ST3GAL6: variants seen among roughly 807,000 people sequenced by gnomAD.
ST3GAL6 encodes type 2 lactosamine alpha-2,3-sialyltransferase.
Under a neutral mutation model 40.5 loss-of-function variants are expected in ST3GAL6, and 31 were observed. That is an observed-to-expected ratio of 0.77 (90% CI 0.58 to 1.03). ST3GAL6 has a LOEUF of 1.03. Ranked by LOEUF, ST3GAL6 falls within the 50% of genes least tolerant of loss-of-function variation. The pLI, the probability that ST3GAL6 is intolerant of heterozygous loss-of-function variation, is 0.00. For synonymous variants in ST3GAL6, 129 were observed against 136.9 expected, an observed-to-expected ratio of 0.94 and a Z score of 0.40; for missense variants, 357 against 393.2, an observed-to-expected ratio of 0.91 and a Z score of 0.78.
rs1324153140 is a variant in ST3GAL6 at position 98,793,651 on chromosome 3, GGTAATT to G, written c.910-20_910-15del. Reference sequence around the variant, plus strand: ...TACTTTGAGATTGGGAAAGAATGATGGTAATTGTATTTTTCTTCTTTAGAACGCGTA... The same window carrying G: ...TACTTTGAGATTGGGAAAGAATGATGGTATTTTTCTTCTTTAGAACGCGTA... On this transcript the variant is annotated intron_variant, in intron 9 of 9. Transcript: ENST00000483910. 2 of 1,479,672 alleles carry G rather than the reference GGTAATT, an allele frequency of 1.4e-6. No homozygotes were observed. Among genetic ancestry groups the G allele is most frequent in the Admixed American group, 4.0e-5 (2 of 50,066 alleles). The allele number at this position is 1,479,672 out of a possible 1,614,324, so 91.7% of individuals were successfully genotyped here.
chr3:98,792,021 C>G (rs535787574), intron 9 of ST3GAL6, 28 bp downstream of exon 9: 1 of 1,559,134 alleles, frequency 6.4e-7, no homozygotes. Context: ...AGGTAATATA[C>G]ATATGCTTTG....
At chr3:98,777,923 C>T (rs1214572532) in intron 5 of ST3GAL6, among the ~76,000 whole-genome samples, 1 of 152,186 alleles carries the variant, frequency 6.6e-6, no homozygotes, top group Non-Finnish European at 1.5e-5. Flanking sequence ...TCCTTCCTGG[C>T]TGTCCATGTA....
intron 1 of ST3GAL6, among the ~76,000 whole-genome samples, chr3:98,740,341 A>G (rs1359852925): frequency 6.7e-6 from 1 of 150,266 alleles, no homozygotes; most frequent in African/African-American, 2.5e-5. Flanking sequence ...TATGACCATC[A>G]ATGATTTTCA....
At chr3:98,733,729 G>T in intron 1 of ST3GAL6, 10 of 552,750 alleles carry the variant, frequency 1.8e-5, no homozygotes, top group Non-Finnish European at 1.8e-5. Context: ...TGGCTTAAAA[G>T]AAAACCTATA....
At chr3:98,737,542 C>T (rs957268467) in intron 1 of ST3GAL6, among the ~76,000 whole-genome samples, 2 of 152,152 alleles carry the variant, frequency 1.3e-5, no homozygotes, top group Non-Finnish European at 2.9e-5. Context: ...TCCTTTTATC[C>T]TCTTGTCCTT....
chr3:98,744,842 C>A (rs1057470258), intron 1 of ST3GAL6, among the ~76,000 whole-genome samples: 2 of 152,034 alleles, frequency 1.3e-5, no homozygotes, highest in African/African-American at 4.8e-5. Context: ...CTTCATTATG[C>A]TGAACTTTGG....
At chr3:98,752,109 A>G (rs1424742047) in intron 1 of ST3GAL6, among the ~76,000 whole-genome samples, 1 of 152,216 alleles carries the variant, frequency 6.6e-6, no homozygotes, top group Non-Finnish European at 1.5e-5. Flanking sequence ...TTAAATTGAC[A>G]TAAGTTAGAT....
At chr3:98,737,330 C>T (rs565395382) in intron 1 of ST3GAL6, among the ~76,000 whole-genome samples, 12 of 152,182 alleles carry the variant, frequency 7.9e-5, no homozygotes, top group Non-Finnish European at 1.6e-4. Context: ...GGATTACAGG[C>T]GTGAGCCACC....
At chr3:98,747,586 C>T in intron 1 of ST3GAL6, among the ~76,000 whole-genome samples, 1 of 152,152 alleles carries the variant, frequency 6.6e-6, no homozygotes, top group East Asian at 1.9e-4. Context: ...AATCAAGTCT[C>T]TGAAAACAAC....
chr3:98,751,192 G>A (rs1404527154), intron 1 of ST3GAL6, among the ~76,000 whole-genome samples: 1 of 152,070 alleles, frequency 6.6e-6, no homozygotes, highest in Non-Finnish European at 1.5e-5. Context: ...ACAGGTGTGA[G>A]CCACTGCGCT....
intron 1 of ST3GAL6, chr3:98,733,053 G>T (rs898303758): frequency 4.9e-6 from 7 of 1,414,846 alleles, no homozygotes; most frequent in Non-Finnish European, 6.4e-6. Context: ...TCTGGGCCGG[G>T]GTCCGGGCGG....
At chr3:98,742,800 C>T (rs28553326) in intron 1 of ST3GAL6, among the ~76,000 whole-genome samples, 44,989 of 150,662 alleles carry the variant, frequency 0.3, 7,039 homozygotes, top group South Asian at 0.41. Flanking sequence ...CTGGGTTAAG[C>T]GATTCTCCTG....
chr3:98,769,666 A>G (rs780889042), intron 2 of ST3GAL6, among the ~76,000 whole-genome samples: 1 of 152,356 alleles, frequency 6.6e-6, no homozygotes, highest in Non-Finnish European at 1.5e-5. Context: ...CAGCTAACAC[A>G]TTACTATAGT....
At chr3:98,759,705 C>T (rs1937598027), upstream of ST3GAL6, among the ~76,000 whole-genome samples, 1 of 152,028 alleles carries the variant, frequency 6.6e-6, no homozygotes, top group Non-Finnish European at 1.5e-5. Context: ...TGCGGTCTTC[C>T]CAGCTCTAAG....
At position 98,772,800 on chromosome 3, in the gene ST3GAL6, C is replaced by T. The variant is rs1321996059; in HGVS notation, c.168-13C>T. 1 of 1,599,152 alleles carries T rather than the reference C, an allele frequency of 6.3e-7. No homozygotes were observed. The highest frequency in any genetic ancestry group is 8.6e-7 in the Non-Finnish European group (1 of 1,167,490). On this transcript the variant is annotated splice_polypyrimidine_tract_variant and intron_variant, in intron 3 of 9. Coordinates refer to ENST00000483910, the MANE Select transcript of ST3GAL6 (RefSeq NM_001323368.2). ...GGTATTTGGCAAAATCATTCTTTATCCTTTCCTTCCAGGTTTCATCAGTTT... is the reference window on the plus strand; with the variant it reads ...GGTATTTGGCAAAATCATTCTTTATTCTTTCCTTCCAGGTTTCATCAGTTT...
chr3:98,779,999 A>G (rs1939932831), intron 5 of ST3GAL6, among the ~76,000 whole-genome samples: 1 of 152,180 alleles, frequency 6.6e-6, no homozygotes, highest in South Asian at 2.1e-4. Context: ...TTCTACATGA[A>G]AGTTATGTTA....
intron 1 of ST3GAL6, among the ~76,000 whole-genome samples, chr3:98,755,809 C>CA (rs113209928): frequency 0.46 from 69,813 of 150,476 alleles, 16,189 homozygotes; most frequent in South Asian, 0.56. Flanking sequence ...AGATTTTTTT[C>CA]ATTTTTTTTT....
At chr3:98,774,030 G>A (rs773081738) in intron 5 of ST3GAL6, 47 bp downstream of exon 5, 3 of 1,466,266 alleles carry the variant, frequency 2.0e-6, no homozygotes, top group Non-Finnish European at 2.9e-6. Flanking sequence ...CTTCAGCTAA[G>A]CTGGTTCAAA....
chr3:98,754,802 G>A (rs1007897795), intron 1 of ST3GAL6, among the ~76,000 whole-genome samples: 1 of 152,218 alleles, frequency 6.6e-6, no homozygotes, highest in Non-Finnish European at 1.5e-5. Flanking sequence ...TTATAACTCA[G>A]TGAAGGCTCA....
Sources: gnomAD v4.1 joint callset for allele counts (sites outside exome capture counted in the v4.1 genomes callset) on GRCh38, gnomAD v4.1.1 for gene constraint, MANE v1.5 for transcripts, NCBI Gene and HGNC (gene_info 2026-07-23, HGNC 2026-07-21) for gene names.